CACNA1C: variants seen among roughly 807,000 people sequenced by gnomAD.
CACNA1C encodes the protein voltage-dependent L-type calcium channel subunit alpha-1C.
CACNA1C carries 30 observed loss-of-function variants against 229.0 expected under a neutral mutation model. The observed-to-expected ratio is 0.13, with a 90% CI of 0.10 to 0.18. CACNA1C has a LOEUF of 0.18. Ranked by LOEUF, CACNA1C falls within the 10% of genes least tolerant of loss-of-function variation. The pLI is 1.00. For missense variants in CACNA1C, 1,658 were observed against 2,845.0 expected, an observed-to-expected ratio of 0.58 and a Z score of 9.49; for synonymous variants, 1,114 against 1,132.5, an observed-to-expected ratio of 0.98 and a Z score of 0.33.
chr12:2,424,596 G>C (rs999620873), intron 3 of CACNA1C, among the ~76,000 whole-genome samples: 1 of 152,160 alleles, frequency 6.6e-6, no homozygotes. Flanking sequence ...CATGTGGGTA[G>C]GGGGTGAGTG....
chr12:2,164,856 A>G (rs2096126150), intron 3 of CACNA1C, among the ~76,000 whole-genome samples: 1 of 152,208 alleles, frequency 6.6e-6, no homozygotes. Context: ...TGGCGCACAC[A>G]CAGTGTCAGA....
At position 2,605,004 on chromosome 12, in the gene CACNA1C, A is replaced by T; in HGVS notation, c.2961-77A>T. 1 of 1,071,230 alleles carries T rather than the reference A, an allele frequency of 9.3e-7. No homozygotes were observed. Among genetic ancestry groups the T allele is most frequent in the African/African-American group, 1.5e-5 (1 of 64,556 alleles). 66.4% of individuals were successfully genotyped at this position (1,071,230 alleles called of 1,614,324 possible). A position where few individuals can be genotyped will look rare whatever the true frequency, so the allele number is the denominator to read the frequency against. On this transcript the variant is annotated intron_variant, in intron 22 of 46. Coordinates refer to ENST00000399655, the MANE Select transcript of CACNA1C (RefSeq NM_000719.7). This position sits in a 1 kb window ranked among gnomAD's most constrained non-coding sequence, Gnocchi z 6.2. ...GTTTGCCTCGGATTCACCTGTCAGG[A>T]CATTCCCTTACCACATTATTTTTGC...
chr12:2,252,734 C>T (rs564644191), intron 3 of CACNA1C, among the ~76,000 whole-genome samples: 49 of 152,294 alleles, frequency 3.2e-4, no homozygotes, highest in Admixed American at 1.0e-3. Flanking sequence ...TGTTACAGAC[C>T]TGTTAGGTCA....
intron 1 of CACNA1C, among the ~76,000 whole-genome samples, chr12:2,077,049 A>G (rs1362194861): frequency 1.3e-5 from 2 of 152,264 alleles, no homozygotes; most frequent in Non-Finnish European, 2.9e-5. Flanking sequence ...CATTCATTAC[A>G]ACGCATTGCC....
rs1322469807 is a variant in CACNA1C at position 2,319,490 on chromosome 12, C to T, written c.478-129486C>T. ...ACGCCACAGCCCCAGGCCCCAGGCC[C>T]CTGACACCCTGGCTCCGAACCCCCA... On this transcript the variant is annotated intron_variant, in intron 3 of 46. Coordinates refer to ENST00000399655, the MANE Select transcript of CACNA1C (RefSeq NM_000719.7). This position sits in a 1 kb window ranked among gnomAD's most constrained non-coding sequence, Gnocchi z 4.0. Among the ~76,000 whole-genome samples the T allele has an allele frequency of 6.6e-6, 1 of 152,128 alleles. No homozygotes were observed. Among genetic ancestry groups the T allele is most frequent in the East Asian group, 1.9e-4 (1 of 5,182 alleles).
intron 1 of CACNA1C, among the ~76,000 whole-genome samples, chr12:2,035,168 CCGGCGTCTG>C (rs1236758144): frequency 1.3e-5 from 2 of 152,328 alleles, no homozygotes; most frequent in East Asian, 3.9e-4. Flanking sequence ...CCGCGGGGCG[CCGGCGTCTG>C]CGCCAAGGCA....
intron 29 of CACNA1C, among the ~76,000 whole-genome samples, chr12:2,616,821 C>T (rs562905918): frequency 5.9e-5 from 9 of 152,366 alleles, no homozygotes; most frequent in Admixed American, 5.2e-4. Context: ...ATGCCACTTC[C>T]GAAGTGGAGG....
chr12:2,078,011 G>C (rs1217431151), intron 1 of CACNA1C, among the ~76,000 whole-genome samples: 1 of 152,218 alleles, frequency 6.6e-6, no homozygotes, highest in Non-Finnish European at 1.5e-5. Context: ...GCTGTGGACT[G>C]AATAGTGTGT....
intron 3 of CACNA1C, among the ~76,000 whole-genome samples, chr12:2,339,748 C>T (rs2096805488): frequency 6.6e-6 from 1 of 152,122 alleles, no homozygotes. Context: ...TCATTATAAC[C>T]TTATGAGACC....
chr12:2,483,200 G>A (rs2099683457), intron 5 of CACNA1C, among the ~76,000 whole-genome samples: 1 of 152,242 alleles, frequency 6.6e-6, no homozygotes, highest in Admixed American at 6.5e-5. Flanking sequence ...AGAACTGCGG[G>A]GTGTATTGCT....
chr12:2,118,790 C>T (rs183577753), intron 2 of CACNA1C, among the ~76,000 whole-genome samples: 53 of 152,308 alleles, frequency 3.5e-4, no homozygotes, highest in South Asian at 1.5e-3. Flanking sequence ...GTCTGGGTTC[C>T]GGTCCAGGCT....
At chr12:2,254,962 C>A (rs1019373124) in intron 3 of CACNA1C, among the ~76,000 whole-genome samples, 3 of 152,174 alleles carry the variant, frequency 2.0e-5, no homozygotes, top group African/African-American at 7.2e-5. Context: ...CTTAGTATTT[C>A]CTTTCTGAAG....
intron 9 of CACNA1C, among the ~76,000 whole-genome samples, chr12:2,540,081 G>A (rs1268535431): frequency 6.6e-6 from 1 of 152,198 alleles, no homozygotes; most frequent in Admixed American, 6.5e-5. Context: ...GTGTGCTGCA[G>A]TTGGGGAGCG....
chr12:2,681,191 T>C (rs2097128722), intron 42 of CACNA1C, among the ~76,000 whole-genome samples: 1 of 152,196 alleles, frequency 6.6e-6, no homozygotes, highest in Admixed American at 6.5e-5. Context: ...CATGTGAAGC[T>C]TTGTTCTCTG....
intron 9 of CACNA1C, among the ~76,000 whole-genome samples, chr12:2,526,473 G>A (rs906393509): frequency 2.0e-5 from 3 of 152,234 alleles, no homozygotes; most frequent in Non-Finnish European, 4.4e-5. Flanking sequence ...CATGGGAACA[G>A]GGCAAGGGCC....
chr12:2,486,674 C>T lies in CACNA1C; in HGVS notation c.916+412C>T, dbSNP rs1381426749. Among the ~76,000 whole-genome samples the T allele has an allele frequency of 2.0e-5, 3 of 152,248 alleles. No homozygotes were observed. The highest frequency in any genetic ancestry group is 4.1e-4 in the South Asian group (2 of 4,826). The stretch of plus-strand genomic sequence containing the variant: ...GCCATTGGGAGCCCTTTCACGGGGC[C>T]GCTTAGCCCTGAGCAACAGGTTCTC... On this transcript the variant is annotated intron_variant, in intron 6 of 46. Coordinates refer to ENST00000399655, the MANE Select transcript of CACNA1C (RefSeq NM_000719.7). The surrounding 1 kb of genome is among the most constrained non-coding windows in gnomAD (Gnocchi z 4.9).
intron 4 of CACNA1C, among the ~76,000 whole-genome samples, chr12:2,450,204 T>C (rs918078259): frequency 1.3e-5 from 2 of 151,934 alleles, no homozygotes; most frequent in Admixed American, 6.6e-5. Flanking sequence ...AAAAAGAATC[T>C]CCATAAAATA....
At chr12:2,261,008 A>G (rs1379032913) in intron 3 of CACNA1C, among the ~76,000 whole-genome samples, 1 of 152,194 alleles carries the variant, frequency 6.6e-6, no homozygotes, top group Non-Finnish European at 1.5e-5. Flanking sequence ...AGGCTGGCAG[A>G]TCACAAGGTC....
In CACNA1C at chr12:2,677,885, G is replaced by A. The variant is rs143343491; in HGVS notation, c.5091+18G>A. The A allele has an allele frequency of 7.7e-4, 1,239 of 1,613,534 alleles. 10 individuals carry two copies. In the African/African-American group the frequency reaches 0.015, roughly 19 times the overall value. On this transcript the variant is annotated intron_variant, in intron 41 of 46. Coordinates refer to ENST00000399655, the MANE Select transcript of CACNA1C (RefSeq NM_000719.7). The surrounding 1 kb of genome is among the most constrained non-coding windows in gnomAD (Gnocchi z 7.4). ...TCTTCAGGGTGGGTGGTGCCATGGC[G>A]CACTCTCGACCCCTATAAAGTTCAG... is the stretch of plus-strand genomic sequence containing the variant.
Sources: allele counts gnomAD v4.1 joint callset (sites outside exome capture counted in the v4.1 genomes callset), GRCh38; gene constraint gnomAD v4.1.1; non-coding constraint Gnocchi (gnomAD v3.1); transcripts MANE v1.5; gene names NCBI Gene and HGNC (gene_info 2026-07-23, HGNC 2026-07-21).